Variants in KCNIP1 observed in about 807,000 individuals in gnomAD.
KCNIP1 encodes the protein A-type potassium channel modulatory protein KCNIP1.
In KCNIP1, 18 loss-of-function variants were observed where a neutral mutation model predicts 33.0. That is an observed-to-expected ratio of 0.55 (90% CI 0.38 to 0.81). The LOEUF (loss-of-function observed/expected upper bound fraction) is 0.81. Among genes scored for constraint, KCNIP1 ranks in the 30% least tolerant of loss-of-function variants. The pLI is 0.00. For missense variants in KCNIP1, 238 were observed against 271.6 expected, an observed-to-expected ratio of 0.88 and a Z score of 0.87; for synonymous variants, 93 against 98.3, an observed-to-expected ratio of 0.95 and a Z score of 0.32.
At chr5:170,673,479 G>A (rs1399957089) in intron 1 of KCNIP1, among the ~76,000 whole-genome samples, 4 of 152,328 alleles carry the variant, frequency 2.6e-5, no homozygotes, top group African/African-American at 9.6e-5. Context: ...CACAGATGAG[G>A]AAACTTGAAG....
upstream of KCNIP1, among the ~76,000 whole-genome samples, chr5:170,501,583 T>C (rs768020810): frequency 1.3e-4 from 20 of 152,264 alleles, no homozygotes; most frequent in Admixed American, 5.2e-4. Flanking sequence ...ATCTGTACTC[T>C]GCTTCTTCAG....
intron 1 of KCNIP1, among the ~76,000 whole-genome samples, chr5:170,656,655 G>A (rs1411141392): frequency 2.6e-5 from 4 of 152,196 alleles, no homozygotes; most frequent in South Asian, 2.1e-4. Flanking sequence ...CAGCTTCCAG[G>A]GGCAGAGAGC....
intron 1 of KCNIP1, among the ~76,000 whole-genome samples, chr5:170,622,441 G>A (rs1002058162): frequency 6.6e-6 from 1 of 151,968 alleles, no homozygotes; most frequent in Admixed American, 6.6e-5. Context: ...GGCCAACATG[G>A]TGAAACCCCG....
At chr5:170,416,722 G>A (rs901981136) in intron 1 of KCNIP1, among the ~76,000 whole-genome samples, 1 of 151,424 alleles carries the variant, frequency 6.6e-6, no homozygotes, top group Non-Finnish European at 1.5e-5. Flanking sequence ...AAAAAAAAGT[G>A]CAGCTCACTG....
At chr5:170,372,975 G>A (rs1374082131) in intron 1 of KCNIP1, among the ~76,000 whole-genome samples, 1 of 152,194 alleles carries the variant, frequency 6.6e-6, no homozygotes, top group Non-Finnish European at 1.5e-5. Flanking sequence ...TCTGCAACTG[G>A]GGGAGATGCA....
intron 1 of KCNIP1, among the ~76,000 whole-genome samples, chr5:170,496,269 C>T (rs1444196948): frequency 1.3e-5 from 2 of 152,218 alleles, no homozygotes; most frequent in Non-Finnish European, 2.9e-5. Context: ...CATGTGCATC[C>T]ATCTCTCCTA....
intron 1 of KCNIP1, among the ~76,000 whole-genome samples, chr5:170,618,642 C>A (rs1385079785): frequency 6.6e-6 from 1 of 151,676 alleles, no homozygotes; most frequent in Admixed American, 6.6e-5. Flanking sequence ...GTCTGGGGAC[C>A]AAAGTGAATC....
chr5:170,474,158 G>A (rs1286044531), intron 1 of KCNIP1, among the ~76,000 whole-genome samples: 2 of 152,152 alleles, frequency 1.3e-5, no homozygotes, highest in Non-Finnish European at 2.9e-5. Context: ...AAAACAATCT[G>A]TATCAGGAAG....
At chr5:170,558,268 C>T (rs971577442) in intron 1 of KCNIP1, among the ~76,000 whole-genome samples, 1 of 152,230 alleles carries the variant, frequency 6.6e-6, no homozygotes, top group Non-Finnish European at 1.5e-5. Context: ...CCCGTAATTA[C>T]ATCAAGTGCC....
intron 1 of KCNIP1, among the ~76,000 whole-genome samples, chr5:170,627,843 G>A (rs1006985111): frequency 6.6e-6 from 1 of 150,772 alleles, no homozygotes; most frequent in African/African-American, 2.4e-5. Flanking sequence ...AAGAGGAGAG[G>A]GGCTTGGGGC....
At chr5:170,411,601 A>T (rs959207547) in intron 1 of KCNIP1, among the ~76,000 whole-genome samples, 2 of 151,258 alleles carry the variant, frequency 1.3e-5, no homozygotes, top group South Asian at 4.2e-4. Flanking sequence ...TTTTATCAAC[A>T]TTTTTTTTCT....
intron 1 of KCNIP1, among the ~76,000 whole-genome samples, chr5:170,553,739 C>T (rs1756741626): frequency 6.6e-6 from 1 of 152,206 alleles, no homozygotes; most frequent in Non-Finnish European, 1.5e-5. Flanking sequence ...AACAGGAAAC[C>T]TGGGGTGAAG....
intron 1 of KCNIP1, among the ~76,000 whole-genome samples, chr5:170,399,900 A>G (rs946845468): frequency 2.0e-5 from 3 of 152,224 alleles, no homozygotes; most frequent in Non-Finnish European, 4.4e-5. Flanking sequence ...TCCTTCCAAC[A>G]GGTTCCTAAA....
intron 1 of KCNIP1, among the ~76,000 whole-genome samples, chr5:170,403,390 G>C (rs551191785): frequency 6.5e-4 from 99 of 152,334 alleles, no homozygotes; most frequent in South Asian, 5.0e-3. Context: ...TGTGTTTATG[G>C]AAAAGCAGTG....
intron 5 of KCNIP1, among the ~76,000 whole-genome samples, chr5:170,724,870 T>C (rs937451812): frequency 6.6e-6 from 1 of 152,320 alleles, no homozygotes; most frequent in Non-Finnish European, 1.5e-5. Context: ...GAAGGCCCAA[T>C]ATAGTTAAGA....
Position 170,493,283 on chromosome 5 carries a change from G to A in KCNIP1, c.88+139319G>A, listed in dbSNP as rs140511164. Among the ~76,000 whole-genome samples, 473 of 152,276 alleles carry A rather than the reference G, an allele frequency of 3.1e-3. 2 individuals carry two copies. Among genetic ancestry groups the A allele is most frequent in the African/African-American group, 0.011 (456 of 41,538 alleles). On this transcript the variant is annotated intron_variant, in intron 1 of 7. Coordinates refer to the KCNIP1 transcript ENST00000377360. The stretch of plus-strand genomic sequence containing the variant: ...GCTTGCACAATGGGTTCTCAGATGA[G>A]GTATTCCATGCCCTTCTTCCTGGAG...
chr5:170,699,202 A>C (rs1763005184), intron 1 of KCNIP1, among the ~76,000 whole-genome samples: 1 of 152,184 alleles, frequency 6.6e-6, no homozygotes, highest in Non-Finnish European at 1.5e-5. Context: ...CCATAACCCT[A>C]ACTCTCAGAG....
At chr5:170,358,266 C>T (rs1433639384) in intron 1 of KCNIP1, among the ~76,000 whole-genome samples, 1 of 152,090 alleles carries the variant, frequency 6.6e-6, no homozygotes, top group Non-Finnish European at 1.5e-5. Context: ...CATGAGGCTG[C>T]GGGGGTGGGG....
At chr5:170,483,770 A>G (rs761159560) in intron 1 of KCNIP1, 6 of 152,194 alleles carry the variant, frequency 3.9e-5, no homozygotes, top group African/African-American at 7.2e-5. Flanking sequence ...AATAGGTGCA[A>G]ATAGGTTCAT....
Sources: allele counts gnomAD v4.1 joint callset (sites outside exome capture counted in the v4.1 genomes callset), GRCh38; gene constraint gnomAD v4.1.1; transcripts MANE v1.5; gene names NCBI Gene and HGNC (gene_info 2026-07-23, HGNC 2026-07-21).